Variants in BAHCC1 observed in about 807,000 individuals in gnomAD.
BAHCC1 encodes BAH and coiled-coil domain-containing protein 1.
Under a neutral mutation model 88.2 loss-of-function variants are expected in BAHCC1, and 43 were observed. That is an observed-to-expected ratio of 0.49 (90% CI 0.38 to 0.63). BAHCC1 has a LOEUF of 0.63. Ranked by LOEUF, BAHCC1 falls within the 20% of genes least tolerant of loss-of-function variation. BAHCC1 has a pLI of 0.00. For synonymous variants in BAHCC1, 1,510 were observed against 745.5 expected (o/e 2.03, Z -16.71); for missense variants, 3,023 against 1,654.8 (o/e 1.83, Z -14.34).
intron 14 of BAHCC1, among the ~76,000 whole-genome samples, chr17:81,454,619 G>A (rs1244589647): frequency 2.6e-5 from 4 of 151,652 alleles, no homozygotes; most frequent in East Asian, 3.9e-4. Context: ...CAGCTGTGGC[G>A]GAAATGTGGG....
intron 2 of BAHCC1, among the ~76,000 whole-genome samples, chr17:81,413,859 T>G (rs1420118879): frequency 1.3e-5 from 2 of 152,132 alleles, no homozygotes; most frequent in Non-Finnish European, 2.9e-5. Flanking sequence ...GGGGCGGCTG[T>G]GTCCTCTGGT....
chr17:81,458,935 C>T lies in BAHCC1; in HGVS notation c.5571C>T (p.Ser1857=), dbSNP rs782497469. Reference sequence around the variant, plus strand: ...ACGAGGAGGAAGAGGAGGAGGACAGCGGCCCTCTGAGCGCAGAGCAGAGCG... The same window carrying T: ...ACGAGGAGGAAGAGGAGGAGGACAGTGGCCCTCTGAGCGCAGAGCAGAGCG... ...EEDEEEEEED[S]GPLSAEQSAA... Residue 1857 remains serine (S), a synonymous_variant, in exon 20 of 28, where the codon AGC becomes AGT. Coordinates refer to ENST00000675386, the MANE Select transcript of BAHCC1 (RefSeq NM_001377448.1). 14 of 760,992 alleles carry T rather than the reference C, an allele frequency of 1.8e-5. No individual in the cohort carries two copies. Among genetic ancestry groups the T allele is most frequent in the Non-Finnish European group, 2.5e-5 (10 of 407,290 alleles). The allele number at this position is 760,992 out of a possible 1,614,324, so 47.1% of individuals were successfully genotyped here.
chr17:81,460,181 TC>T, intron 23 of BAHCC1, 95 bp from the exon 24 acceptor site: 2 of 671,530 alleles, frequency 3.0e-6, no homozygotes, highest in Non-Finnish European at 5.5e-6. Context: ...CCCAGAGCCC[TC>T]CCCTCACCCT....
intron 2 of BAHCC1, among the ~76,000 whole-genome samples, chr17:81,413,875 C>T (rs1409858622): frequency 4.6e-5 from 7 of 152,208 alleles, no homozygotes; most frequent in Admixed American, 4.6e-4. Context: ...CTGGTCTGGG[C>T]AGCGCTTTCT....
In BAHCC1 at chr17:81,445,419, C is replaced by A. The variant is rs782022964; in HGVS notation, c.2901C>A (p.Thr967=). The change falls in exon 10 of 28, where the codon ACC becomes ACA. Residue 967 remains threonine (T), a synonymous_variant. Transcript: ENST00000675386. ...EPAQEKAPKS[T]HKPVALTPTA... The stretch of plus-strand genomic sequence containing the variant: ...CCCAGGAGAAGGCCCCAAAGTCCAC[C>A]CACAAGCCAGTTGCCTTAACCCCCA... The A allele has an allele frequency of 1.2e-5, 9 of 775,924 alleles. No individual in the cohort carries two copies. Among genetic ancestry groups the A allele is most frequent in the South Asian group, 6.8e-5 (5 of 73,768 alleles). 48.1% of individuals were successfully genotyped at this position (775,924 alleles called of 1,614,324 possible).
intron 3 of BAHCC1, among the ~76,000 whole-genome samples, chr17:81,429,637 G>A (rs1039256979): frequency 6.6e-6 from 1 of 152,172 alleles, no homozygotes; most frequent in South Asian, 2.1e-4. Context: ...CGACTCGGCC[G>A]GAGAGTGGGG....
intron 2 of BAHCC1, chr17:81,422,839 G>C (rs1177725426): frequency 2.5e-6 from 1 of 396,460 alleles, no homozygotes; most frequent in Non-Finnish European, 5.0e-6. Context: ...GGAGGGTGTG[G>C]GGGTGGGAAG....
intron 26 of BAHCC1, among the ~76,000 whole-genome samples, 156 bp downstream of exon 26, chr17:81,462,202 A>G (rs2306213): frequency 0.26 from 40,286 of 152,218 alleles, 5,923 homozygotes; most frequent in East Asian, 0.66. Context: ...AGACCCATCC[A>G]TGACCCAGTG....
intron 4 of BAHCC1, 83 bp from the exon 5 acceptor site, chr17:81,441,748 G>A (rs2064420526): frequency 2.0e-6 from 1 of 492,292 alleles, no homozygotes; most frequent in East Asian, 3.1e-5. Context: ...TGTCCGGGAG[G>A]CACCTGGAGC....
Position 81,460,525 on chromosome 17 carries a change from C to A in BAHCC1, c.6026-5C>A. On this transcript the variant is annotated splice_region_variant and splice_polypyrimidine_tract_variant and intron_variant, in intron 24 of 27. Transcript: ENST00000675386. ...ACTGAAGCCCTTGGCCCATGCTATC[C>A]ACAGGCACAGAGCCCTCTCCAGCCC... 1 of 743,590 alleles carries A rather than the reference C, an allele frequency of 1.3e-6. No homozygotes were observed. The highest frequency in any genetic ancestry group is 2.5e-6 in the Non-Finnish European group (1 of 400,542). The allele number at this position is 743,590 out of a possible 1,614,324, so 46.1% of individuals were successfully genotyped here. A position where few individuals can be genotyped will look rare whatever the true frequency, so the allele number is the denominator to read the frequency against.
intron 27 of BAHCC1, among the ~76,000 whole-genome samples, 158 bp downstream of exon 27, chr17:81,463,134 G>T (rs2143675120): frequency 6.6e-6 from 1 of 152,260 alleles, no homozygotes; most frequent in Admixed American, 6.5e-5. Flanking sequence ...CACAGCCCAT[G>T]GGCATGCCCT....
chr17:81,420,946 G>A (rs548163683), intron 2 of BAHCC1, among the ~76,000 whole-genome samples: 2 of 152,354 alleles, frequency 1.3e-5, no homozygotes, highest in South Asian at 2.1e-4. Flanking sequence ...GCCCCCAGCG[G>A]AGCACTTGGG....
At chr17:81,423,736 G>A (rs2064142157) in intron 2 of BAHCC1, among the ~76,000 whole-genome samples, 1 of 152,174 alleles carries the variant, frequency 6.6e-6, no homozygotes, top group Admixed American at 6.5e-5. Context: ...TGTCCTCCGT[G>A]TGCAGGAGCC....
Position 81,464,871 on chromosome 17 carries a change from GCC to G in BAHCC1, c.*1057_*1058del, listed in dbSNP as rs1231142310. 39 of 152,416 alleles carry G rather than the reference GCC, an allele frequency of 2.6e-4. No homozygotes were observed. The highest frequency in any genetic ancestry group is 9.4e-4 in the African/African-American group (39 of 41,530). The allele number at this position is 152,416 out of a possible 1,614,324, so 9.4% of individuals were successfully genotyped here. On this transcript the variant is annotated 3_prime_UTR_variant, in exon 28 of 28. Transcript: ENST00000675386. ...CTCGGGAAGCAGGGCCCAGCTCTGAGCCCCTCCTCACCCCTGGGGTCCTAACT... is the reference window on the plus strand; with the variant it reads ...CTCGGGAAGCAGGGCCCAGCTCTGAGCCTCCTCACCCCTGGGGTCCTAACT...
rs1469625151 is a variant in BAHCC1, at chr17:81,447,451, G to T, written c.3579G>T (p.Gly1193=). The T allele has an allele frequency of 2.7e-6, 2 of 742,498 alleles. No individual in the cohort carries two copies. The highest frequency in any genetic ancestry group is 5.0e-6 in the Non-Finnish European group (2 of 399,520). 46.0% of individuals were successfully genotyped at this position (742,498 alleles called of 1,614,324 possible). The change falls in exon 11 of 28, where the codon GGG becomes GGT. Residue 1193 remains glycine (G), a synonymous_variant. Coordinates refer to ENST00000675386, the MANE Select transcript of BAHCC1 (RefSeq NM_001377448.1). ...EERSREEGEQ[G]PSSGASSQVL... is the part of the protein sequence containing the mutation. ...GGAGCAGGGAGGAGGGGGAGCAGGG[G>T]CCCTCGTCAGGGGCCTCCTCCCAAG...
At position 81,461,380 on chromosome 17, in the gene BAHCC1, GC is replaced by G; in HGVS notation, c.6721del (p.Leu2241CysfsTer180). 1 of 721,054 alleles carries G rather than the reference GC, an allele frequency of 1.4e-6. No homozygotes were observed. Among genetic ancestry groups the G allele is most frequent in the Non-Finnish European group, 2.6e-6 (1 of 391,922 alleles). The allele number at this position is 721,054 out of a possible 1,614,324, so 44.7% of individuals were successfully genotyped here. A position where few individuals can be genotyped will look rare whatever the true frequency, so the allele number is the denominator to read the frequency against. On this transcript the variant is annotated frameshift_variant, in exon 26 of 28. Transcript: ENST00000675386. Reference protein sequence around the residue: ...DKDFSPKLGRPLPSPSYVHPA... With the variant: ...DKDFSPKLGRXLPSPSYVHPA... Reference sequence around the variant, plus strand: ...AGGACTTCAGCCCCAAGCTCGGGCGGCCCCTGCCCAGCCCCAGCTATGTGCA... The same window carrying G: ...AGGACTTCAGCCCCAAGCTCGGGCGGCCCTGCCCAGCCCCAGCTATGTGCA...
At position 81,443,823 on chromosome 17, in the gene BAHCC1, C is replaced by G. The variant is rs782365355; in HGVS notation, c.2230C>G (p.Arg744Gly). The G allele has an allele frequency of 5.6e-6, 4 of 712,148 alleles. No individual in the cohort carries two copies. The highest frequency in any genetic ancestry group is 1.0e-5 in the Non-Finnish European group (4 of 384,800). The allele number at this position is 712,148 out of a possible 1,614,324, so 44.1% of individuals were successfully genotyped here. The change falls in exon 6 of 28, where the codon CGT becomes GGT. Residue 744 changes from arginine to glycine, a missense_variant. Transcript: ENST00000675386. Reference sequence around the variant, plus strand: ...ACCCTGTGCAGGTGGCGGTGGGCCCCGTTCCACACACGCGCTGGACCTGGA... The same window carrying G: ...ACCCTGTGCAGGTGGCGGTGGGCCCGGTTCCACACACGCGCTGGACCTGGA... ...APAFKGGGGP[R>G]STHALDLEAE...
chr17:81,439,215 C>T (rs1009363330), intron 4 of BAHCC1, among the ~76,000 whole-genome samples: 7 of 152,156 alleles, frequency 4.6e-5, no homozygotes, highest in South Asian at 2.1e-4. Context: ...AGTTGGGTTT[C>T]CTCTGGTAGG....
chr17:81,456,642 G>T, intron 16 of BAHCC1, 57 bp downstream of exon 16: 1 of 661,618 alleles, frequency 1.5e-6, no homozygotes, highest in Non-Finnish European at 2.8e-6. Flanking sequence ...TCGCTCGGGG[G>T]CTGGAGGAGG....
Sources: allele counts gnomAD v4.1 joint callset (sites outside exome capture counted in the v4.1 genomes callset), GRCh38; gene constraint gnomAD v4.1.1; transcripts MANE v1.5; gene names NCBI Gene and HGNC (gene_info 2026-07-23, HGNC 2026-07-21).